ORMDL3: variants seen among roughly 807,000 people sequenced by gnomAD.
ORMDL3 encodes the protein ORM1-like protein 3.
Under a neutral mutation model 12.6 loss-of-function variants are expected in ORMDL3, and 6 were observed. The observed-to-expected ratio is 0.48, with a 90% CI of 0.26 to 0.94. ORMDL3 has a LOEUF of 0.94. Among genes scored for constraint, ORMDL3 ranks in the 40% least tolerant of loss-of-function variants. The probability of loss-of-function intolerance (pLI) is 0.14; values close to 1 mark genes in which losing one functional copy is unlikely to be tolerated. For synonymous variants in ORMDL3, 99 were observed against 87.2 expected, an observed-to-expected ratio of 1.14 and a Z score of -0.75; for missense variants, 159 against 205.5, an observed-to-expected ratio of 0.77 and a Z score of 1.38.
rs1401336433 is a variant in ORMDL3 at position 39,922,506 on chromosome 17, C to T, written c.*44G>A. 1.3e-6 allele frequency: 2 copies of T among 1,592,542 alleles called. No homozygotes were observed. Among genetic ancestry groups the T allele is most frequent in the Non-Finnish European group, 8.5e-7 (1 of 1,169,802 alleles). ...AGTGTTGCAGCACATGCCTTTTACCCTACCCCTCCCCTGCCACCCTGGGCA... is the reference window on the plus strand; with the variant it reads ...AGTGTTGCAGCACATGCCTTTTACCTTACCCCTCCCCTGCCACCCTGGGCA... On this transcript the variant is annotated 3_prime_UTR_variant, in exon 4 of 4. Coordinates refer to ENST00000304046, the MANE Select transcript of ORMDL3 (RefSeq NM_139280.4).
intron 1 of ORMDL3, chr17:39,927,151 C>A (rs1598288819): frequency 5.4e-6 from 2 of 370,526 alleles, no homozygotes; most frequent in Non-Finnish European, 7.5e-6. Flanking sequence ...GGTCTTCGCA[C>A]TCGGAACCCG....
intron 1 of ORMDL3, chr17:39,925,604 A>C (rs1978368919): frequency 6.6e-6 from 1 of 152,128 alleles, no homozygotes; most frequent in Non-Finnish European, 1.5e-5. Flanking sequence ...TCTATCTCTG[A>C]CTAGGATCCT....
chr17:39,923,046 C>G, intron 3 of ORMDL3, 66 bp downstream of exon 3: 1 of 1,591,026 alleles, frequency 6.3e-7, no homozygotes, highest in Non-Finnish European at 8.6e-7. Flanking sequence ...ATAAGCATGG[C>G]TGGGCCCTGG....
chr17:39,923,307 C>A (rs779336743), intron 2 of ORMDL3, 44 bp from the exon 3 acceptor site: 1 of 1,601,284 alleles, frequency 6.2e-7, no homozygotes, highest in Non-Finnish European at 8.6e-7. Context: ...AGGGAAAGGC[C>A]CCCCTGCCCA....
In ORMDL3 at chr17:39,927,528, C is replaced by CG. The variant is rs1568114350; in HGVS notation, c.-68dup. Reference sequence around the variant, plus strand: ...ACGGCCCGGGAACGGTTCCCGGGAGCGGGGGCCGCTGCTGCTCCAGCAGCT... The same window carrying CG: ...ACGGCCCGGGAACGGTTCCCGGGAGCGGGGGGCCGCTGCTGCTCCAGCAGCT... On this transcript the variant is annotated 5_prime_UTR_variant, in exon 1 of 4. Transcript: ENST00000304046. 1.0e-6 allele frequency: 1 copy of CG among 985,312 alleles called. No homozygotes were observed. The highest frequency in any genetic ancestry group is 1.2e-6 in the Non-Finnish European group (1 of 829,962). 61.0% of individuals were successfully genotyped at this position (985,312 alleles called of 1,614,324 possible). A position where few individuals can be genotyped will look rare whatever the true frequency, so the allele number is the denominator to read the frequency against.
In ORMDL3 at chr17:39,922,356, G is replaced by A; in HGVS notation, c.*194C>T. The stretch of plus-strand genomic sequence containing the variant: ...AATTCAGAAAAGGTCAGAGCCCAGG[G>A]GGCCTACCCCAACCCCACTACAAGC... On this transcript the variant is annotated 3_prime_UTR_variant, in exon 4 of 4. Transcript: ENST00000304046. The A allele has an allele frequency of 3.2e-6, 2 of 625,242 alleles. No homozygotes were observed. The highest frequency in any genetic ancestry group is 2.8e-5 in the East Asian group (1 of 35,170). 38.7% of individuals were successfully genotyped at this position (625,242 alleles called of 1,614,324 possible).
chr17:39,924,004 G>A, intron 2 of ORMDL3, 26 bp downstream of exon 2: 1 of 1,572,074 alleles, frequency 6.4e-7, no homozygotes, highest in Non-Finnish European at 8.6e-7. Flanking sequence ...GGCAGGGGCA[G>A]GGGCAGGCAG....
At position 39,923,159 on chromosome 17, in the gene ORMDL3, G is replaced by C; in HGVS notation, c.279C>G (p.Val93=). The C allele has an allele frequency of 1.2e-6, 2 of 1,614,254 alleles. No individual in the cohort carries two copies. The highest frequency in any genetic ancestry group is 1.7e-6 in the Non-Finnish European group (2 of 1,180,046). The change falls in exon 3 of 4, where the codon GTC becomes GTG. Residue 93 remains valine (V), a synonymous_variant. Transcript: ENST00000304046. ...AGAACTTCCGAGAGGCCGTGAACTGGACCCCATAATCCATCTGCTCCCAGT... is the reference window on the plus strand; with the variant it reads ...AGAACTTCCGAGAGGCCGTGAACTGCACCCCATAATCCATCTGCTCCCAGT... ...LTHWEQMDYG[V]QFTASRKFLT... is the part of the protein sequence containing the mutation.
At position 39,922,705 on chromosome 17, in the gene ORMDL3, G is replaced by GA; in HGVS notation, c.327-21dup. ...AAGTACCTGGGAGGGGAAGGGTGGG[G>GA]AGAGATATAAAAGACTGTTGGGAGG... On this transcript the variant is annotated intron_variant, in intron 3 of 3. Transcript: ENST00000304046. 1 of 1,609,268 alleles carries GA rather than the reference G, an allele frequency of 6.2e-7. No individual in the cohort carries two copies. Among genetic ancestry groups the GA allele is most frequent in the African/African-American group, 1.3e-5 (1 of 74,884 alleles).
At chr17:39,924,528 C>T (rs1978327010) in intron 1 of ORMDL3, among the ~76,000 whole-genome samples, 1 of 152,148 alleles carries the variant, frequency 6.6e-6, no homozygotes, top group South Asian at 2.1e-4. Context: ...AAGTCAAGGC[C>T]CATCCCCCAG....
Position 39,924,142 on chromosome 17 carries a change from C to A in ORMDL3, c.62G>T (p.Gly21Val). ...NPNTRVMNSR[G>V]IWLSYVLAIG... ...GGCCAGCACGTAGGAGAGCCAGATG[C>A]CACGGCTGTTCATCACCCGCGTGTT... The change falls in exon 2 of 4, where the codon GGC (glycine) becomes GTC (valine). Residue 21 changes from glycine (G) to valine (V), a missense_variant. By Grantham distance (109) the Gly-to-Val change is moderately radical. Transcript: ENST00000304046. 6.2e-7 allele frequency: 1 copy of A among 1,614,108 alleles called. No individual in the cohort carries two copies. The highest frequency in any genetic ancestry group is 8.5e-7 in the Non-Finnish European group (1 of 1,179,964).
intron 1 of ORMDL3, among the ~76,000 whole-genome samples, chr17:39,924,522 C>T (rs933250912): frequency 6.6e-6 from 1 of 152,146 alleles, no homozygotes; most frequent in African/African-American, 2.4e-5. Flanking sequence ...GCAGAGAAGT[C>T]AAGGCCCATC....
chr17:39,926,772 TC>T (rs1978450470), intron 1 of ORMDL3: 2 of 985,546 alleles, frequency 2.0e-6, no homozygotes. Flanking sequence ...GGTGAGCCCT[TC>T]CCATTCCCTC....
In ORMDL3 at chr17:39,924,221, C is replaced by A; in HGVS notation, c.-18G>T. 2 of 1,589,078 alleles carry A rather than the reference C, an allele frequency of 1.3e-6. No individual in the cohort carries two copies. Among genetic ancestry groups the A allele is most frequent in the Non-Finnish European group, 8.6e-7 (1 of 1,166,584 alleles). On this transcript the variant is annotated 5_prime_UTR_variant, in exon 2 of 4. Coordinates refer to ENST00000304046, the MANE Select transcript of ORMDL3 (RefSeq NM_139280.4). ...ACATTCATCCTGCTGCCCCTCTCTG[C>A]TGTTCTGCAAACAAGCAGCACAGGT...
intron 1 of ORMDL3, chr17:39,927,074 G>A (rs759265811): frequency 7.2e-5 from 67 of 928,284 alleles, no homozygotes; most frequent in Middle Eastern, 5.4e-4. Flanking sequence ...CACTGTTGTT[G>A]GGGTTTTCTG....
chr17:39,925,071 G>C (rs941740627), intron 1 of ORMDL3: 27 of 152,332 alleles, frequency 1.8e-4, no homozygotes, highest in African/African-American at 6.5e-4. Context: ...CTCCCATAGA[G>C]AGCTGGAATC....
chr17:39,924,688 AG>A (rs763875743), intron 1 of ORMDL3: 5 of 155,208 alleles, frequency 3.2e-5, no homozygotes, highest in African/African-American at 1.2e-4. Flanking sequence ...CAGGAGGGAA[AG>A]GAAGTGAGGC....
Position 39,924,228 on chromosome 17 carries a change from G to A in ORMDL3, c.-22-3C>T. On this transcript the variant is annotated splice_polypyrimidine_tract_variant and splice_region_variant and intron_variant, in intron 1 of 3. Transcript: ENST00000304046. Reference sequence around the variant, plus strand: ...TCCTGCTGCCCCTCTCTGCTGTTCTGCAAACAAGCAGCACAGGTCAGACAG... The same window carrying A: ...TCCTGCTGCCCCTCTCTGCTGTTCTACAAACAAGCAGCACAGGTCAGACAG... 6.3e-7 allele frequency: 1 copy of A among 1,583,330 alleles called. No individual in the cohort carries two copies. The highest frequency in any genetic ancestry group is 1.2e-5 in the South Asian group (1 of 85,018).
rs2144742025 is a variant in ORMDL3, at chr17:39,922,216, T to C, written c.*334A>G. On this transcript the variant is annotated 3_prime_UTR_variant, in exon 4 of 4. Transcript: ENST00000304046. ...GAGGGCAAACAAGTGAGCAGGGGTTTTTCCCCTGGCCTCCTGTCGCAACTG... is the reference window on the plus strand; with the variant it reads ...GAGGGCAAACAAGTGAGCAGGGGTTCTTCCCCTGGCCTCCTGTCGCAACTG... 4.8e-6 allele frequency: 1 copy of C among 206,676 alleles called. No individual in the cohort carries two copies. The highest frequency in any genetic ancestry group is 2.3e-5 in the African/African-American group (1 of 43,256). 12.8% of individuals were successfully genotyped at this position (206,676 alleles called of 1,614,324 possible). A position where few individuals can be genotyped will look rare whatever the true frequency, so the allele number is the denominator to read the frequency against.
Sources: allele counts gnomAD v4.1 joint callset (sites outside exome capture counted in the v4.1 genomes callset), GRCh38; gene constraint gnomAD v4.1.1; transcripts MANE v1.5; gene names NCBI Gene and HGNC (gene_info 2026-07-23, HGNC 2026-07-21).